The following CFAP221 variants were observed in gnomAD, a reference collection of about 807,000 sequenced individuals.
CFAP221 encodes cilia- and flagella-associated protein 221.
A neutral mutation model predicts 113.1 loss-of-function variants in CFAP221; 97 were observed. The ratio of observed to expected loss-of-function variants is 0.86; its 90% CI spans 0.73 to 1.02. CFAP221 has a LOEUF of 1.02. Among genes scored for constraint, CFAP221 ranks in the 50% least tolerant of loss-of-function variants. CFAP221 has a pLI of 0.00. For missense variants in CFAP221, 1,025 were observed against 1,013.4 expected, an observed-to-expected ratio of 1.01 and a Z score of -0.16; for synonymous variants, 331 against 354.4, an observed-to-expected ratio of 0.93 and a Z score of 0.74.
Position 119,604,856 on chromosome 2 carries a change from C to G in CFAP221, c.913-20C>G. ...CAGAGGGGCAGACTAACTGATTTCCCTATTGATTTGGTCTCTTAGGAAATT... is the reference window on the plus strand; with the variant it reads ...CAGAGGGGCAGACTAACTGATTTCCGTATTGATTTGGTCTCTTAGGAAATT... On this transcript the variant is annotated intron_variant, in intron 9 of 23. Coordinates refer to ENST00000413369, the MANE Select transcript of CFAP221 (RefSeq NM_001271049.2). 1 of 1,613,114 alleles carries G rather than the reference C, an allele frequency of 6.2e-7. No homozygotes were observed.
chr2:119,592,364 C>T (rs922493993), intron 7 of CFAP221, among the ~76,000 whole-genome samples: 1 of 152,226 alleles, frequency 6.6e-6, no homozygotes, highest in African/African-American at 2.4e-5. Context: ...GTCAGAGCCA[C>T]TGTCTTCTTC....
At chr2:119,611,804 T>G in intron 13 of CFAP221, 62 bp downstream of exon 13, 1 of 1,223,364 alleles carries the variant, frequency 8.2e-7, no homozygotes, top group Non-Finnish European at 1.2e-6. Flanking sequence ...CTTATTTTTT[T>G]GAATGCTAAA....
intron 14 of CFAP221, among the ~76,000 whole-genome samples, chr2:119,623,780 T>C (rs1386648924): frequency 6.6e-6 from 1 of 152,262 alleles, no homozygotes; most frequent in Non-Finnish European, 1.5e-5. Context: ...GGATTCTCTA[T>C]TTAATAAATG....
At chr2:119,579,679 A>G (rs1057360827) in intron 6 of CFAP221, among the ~76,000 whole-genome samples, 12 of 152,238 alleles carry the variant, frequency 7.9e-5, no homozygotes, top group African/African-American at 2.9e-4. Context: ...TGGCTAATGC[A>G]TCAGGAACTT....
chr2:119,548,637 A>C (rs1680209399), intron 2 of CFAP221, among the ~76,000 whole-genome samples: 1 of 152,242 alleles, frequency 6.6e-6, no homozygotes, highest in Non-Finnish European at 1.5e-5. Flanking sequence ...TAATCAGAGG[A>C]AATCAAATAA....
intron 7 of CFAP221, chr2:119,589,631 C>T (rs893321023): frequency 6.6e-6 from 1 of 152,194 alleles, no homozygotes; most frequent in African/African-American, 2.4e-5. Context: ...CTACGCACAC[C>T]TTCCAGGCAT....
chr2:119,650,003 C>T (rs1440555857), intron 22 of CFAP221, among the ~76,000 whole-genome samples: 1 of 152,192 alleles, frequency 6.6e-6, no homozygotes, highest in Non-Finnish European at 1.5e-5. Flanking sequence ...ATTCTGATAA[C>T]TCAAGCACTG....
At chr2:119,618,158 A>G (rs906073553) in intron 14 of CFAP221, among the ~76,000 whole-genome samples, 3 of 152,094 alleles carry the variant, frequency 2.0e-5, no homozygotes, top group African/African-American at 7.2e-5. Flanking sequence ...TTTGCCTCCT[A>G]TACACACGTG....
chr2:119,568,126 T>C (rs926963716), intron 6 of CFAP221, among the ~76,000 whole-genome samples: 20 of 152,224 alleles, frequency 1.3e-4, no homozygotes, highest in Admixed American at 9.8e-4. Context: ...ATTTCACTTA[T>C]ATATAAGTAT....
rs1480911172 is a variant in CFAP221, at chr2:119,630,845, A to G, written c.1918A>G (p.Met640Val). Reference sequence around the variant, plus strand: ...CTCTGGCAAAACATCAGTCTTGAGCATGAAACCACCTGAGGCCTTAGCCAT... The same window carrying G: ...CTCTGGCAAAACATCAGTCTTGAGCGTGAAACCACCTGAGGCCTTAGCCAT... ...QLSGKTSVLS[M>V]KPPEALAMSL... Residue 640 changes from methionine to valine, a missense_variant, in exon 19 of 24, where the codon ATG (methionine) becomes GTG (valine). Coordinates refer to ENST00000413369, the MANE Select transcript of CFAP221 (RefSeq NM_001271049.2). The G allele has an allele frequency of 6.2e-7, 1 of 1,613,812 alleles. No individual in the cohort carries two copies. The highest frequency in any genetic ancestry group is 8.5e-7 in the Non-Finnish European group (1 of 1,179,664).
intron 13 of CFAP221, among the ~76,000 whole-genome samples, chr2:119,612,332 T>C (rs1685234414): frequency 1.3e-5 from 2 of 152,236 alleles, no homozygotes; most frequent in Admixed American, 1.3e-4. Context: ...GACTCATAGT[T>C]CTGAATGGCT....
intron 7 of CFAP221, among the ~76,000 whole-genome samples, chr2:119,595,017 G>C (rs1046251614): frequency 1.3e-5 from 2 of 152,182 alleles, no homozygotes; most frequent in African/African-American, 4.8e-5. Context: ...GCTCCCAGGA[G>C]AGTCACCTGT....
At chr2:119,648,474 G>A (rs373459949) in intron 22 of CFAP221, 8 of 324,220 alleles carry the variant, frequency 2.5e-5, no homozygotes, top group African/African-American at 1.3e-4. Flanking sequence ...TATCTGTGAC[G>A]ACAGAGTCGG....
intron 22 of CFAP221, among the ~76,000 whole-genome samples, chr2:119,647,370 G>GACTT (rs1327033289): frequency 6.6e-6 from 1 of 152,144 alleles, no homozygotes; most frequent in Non-Finnish European, 1.5e-5. Context: ...AGATAGGTAG[G>GACTT]ACTTGGATGG....
intron 21 of CFAP221, among the ~76,000 whole-genome samples, chr2:119,645,587 A>AT (rs1172011219): frequency 6.6e-6 from 1 of 151,084 alleles, no homozygotes; most frequent in East Asian, 1.9e-4. Flanking sequence ...TGGTGCTATA[A>AT]TTTTTTTTTC....
chr2:119,554,356 G>A (rs1247573036), intron 3 of CFAP221, among the ~76,000 whole-genome samples: 1 of 152,010 alleles, frequency 6.6e-6, no homozygotes, highest in Non-Finnish European at 1.5e-5. Context: ...TTGAAATAAT[G>A]GTCCCTGGTT....
At chr2:119,647,117 G>C (rs957663276) in intron 22 of CFAP221, 67 bp downstream of exon 22, 6 of 1,274,574 alleles carry the variant, frequency 4.7e-6, no homozygotes, top group Non-Finnish European at 6.7e-6. Context: ...GTGAGGTGCT[G>C]TGAGGAACTT....
chr2:119,601,898 A>C lies in CFAP221; in HGVS notation c.791+521A>C, dbSNP rs554987374. ...TCTGAAAAACAGAAATGTTTGAAAAACACGGGAGGTTTTCAAAGCACCATC... is the reference window on the plus strand; with the variant it reads ...TCTGAAAAACAGAAATGTTTGAAAACCACGGGAGGTTTTCAAAGCACCATC... On this transcript the variant is annotated intron_variant, in intron 8 of 23. Coordinates refer to ENST00000413369, the MANE Select transcript of CFAP221 (RefSeq NM_001271049.2). Among the ~76,000 whole-genome samples, 177 of 152,346 alleles carry C rather than the reference A, an allele frequency of 1.2e-3. 1 individual carries two copies. The highest frequency in any genetic ancestry group is 4.1e-3 in the African/African-American group (170 of 41,582).
At chr2:119,553,687 TG>T (rs1456894398) in intron 3 of CFAP221, among the ~76,000 whole-genome samples, 1 of 152,168 alleles carries the variant, frequency 6.6e-6, no homozygotes, top group African/African-American at 2.4e-5. Flanking sequence ...CCTTCCCTTG[TG>T]GGTAATTTCA....
Sources: allele counts gnomAD v4.1 joint callset (sites outside exome capture counted in the v4.1 genomes callset), GRCh38; gene constraint gnomAD v4.1.1; transcripts MANE v1.5; gene names NCBI Gene and HGNC (gene_info 2026-07-23, HGNC 2026-07-21).